The following PHF21A variants were observed in gnomAD, a reference collection of about 807,000 sequenced individuals.
PHF21A encodes PHD finger protein 21A, also known as BHC80a.
A neutral mutation model predicts 82.5 loss-of-function variants in PHF21A; 11 were observed. The observed-to-expected ratio is 0.13, with a 90% CI of 0.08 to 0.22. The LOEUF (loss-of-function observed/expected upper bound fraction) is 0.22, where lower values mean the gene tolerates loss of function less well. Among genes scored for constraint, PHF21A ranks in the 10% least tolerant of loss-of-function variants. PHF21A has a pLI of 1.00. For synonymous variants in PHF21A, 297 were observed against 302.8 expected (o/e 0.98, Z 0.20); for missense variants, 579 against 837.8 (o/e 0.69, Z 3.81).
intron 6 of PHF21A, among the ~76,000 whole-genome samples, chr11:46,040,909 ACACACACACACACACACACACACACG>A: frequency 6.8e-6 from 1 of 148,134 alleles, no homozygotes; most frequent in South Asian, 2.2e-4. Context: ...ACACACACAC[ACACACACACACACACACACACACACG>A]CACGCACAAT....
chr11:46,003,882 A>G (rs1298557494), intron 6 of PHF21A, among the ~76,000 whole-genome samples: 3 of 152,182 alleles, frequency 2.0e-5, no homozygotes, highest in African/African-American at 7.2e-5. Context: ...AGGCAACCAC[A>G]GCCTATTTTG....
chr11:46,015,385 C>T (rs2095496050), intron 6 of PHF21A, among the ~76,000 whole-genome samples: 1 of 152,092 alleles, frequency 6.6e-6, no homozygotes, highest in Admixed American at 6.5e-5. Context: ...GTTACAATTA[C>T]TTTTGAGGAC....
chr11:45,990,250 C>CTTTTTT (rs201187984), intron 6 of PHF21A, among the ~76,000 whole-genome samples: 2 of 56,234 alleles, frequency 3.6e-5, no homozygotes, highest in South Asian at 8.5e-4. Context: ...TTTTCATCTT[C>CTTTTTT]TTTTTTTTTT....
chr11:46,076,484 A>C (rs1197056861), intron 6 of PHF21A, among the ~76,000 whole-genome samples: 1 of 152,156 alleles, frequency 6.6e-6, no homozygotes, highest in African/African-American at 2.4e-5. Context: ...CTATAGGTAA[A>C]CTATAGAGTT....
At chr11:46,023,892 G>T (rs1026883364) in intron 6 of PHF21A, among the ~76,000 whole-genome samples, 1 of 152,174 alleles carries the variant, frequency 6.6e-6, no homozygotes, top group African/African-American at 2.4e-5. Flanking sequence ...GGAGGCGGAG[G>T]TTGCAGTGAG....
chr11:46,030,830 CGTGTGTGTGTGTGTGTGTGTGTGT>C (rs71038879), intron 6 of PHF21A, among the ~76,000 whole-genome samples: 8 of 142,212 alleles, frequency 5.6e-5, no homozygotes, highest in Non-Finnish European at 1.1e-4. Context: ...CGTGTGTGTG[CGTGTGTGTGTGTGTGTGTGTGTGT>C]GTGTGTGTGT....
chr11:45,984,163 CAG>C (rs1360021951), intron 6 of PHF21A, among the ~76,000 whole-genome samples: 1 of 151,910 alleles, frequency 6.6e-6, no homozygotes, highest in African/African-American at 2.4e-5. Flanking sequence ...GGGAAAAAAT[CAG>C]GGAAATGAAA....
intron 6 of PHF21A, among the ~76,000 whole-genome samples, chr11:46,016,159 AG>A (rs2095514215): frequency 6.6e-6 from 1 of 152,318 alleles, no homozygotes; most frequent in African/African-American, 2.4e-5. Context: ...GAAAATTTTT[AG>A]CTCCACTATA....
At chr11:46,020,373 G>C (rs1361898634) in intron 6 of PHF21A, among the ~76,000 whole-genome samples, 1 of 152,174 alleles carries the variant, frequency 6.6e-6, no homozygotes, top group Non-Finnish European at 1.5e-5. Flanking sequence ...CTGCCACCAA[G>C]AACCAGGAGC....
intron 6 of PHF21A, among the ~76,000 whole-genome samples, chr11:46,029,274 T>C (rs375823098): frequency 6.6e-6 from 1 of 152,352 alleles, no homozygotes; most frequent in Admixed American, 6.5e-5. Flanking sequence ...TTGTTGAATT[T>C]TTCCTCACAT....
chr11:46,069,250 A>AAT (rs2096629021), intron 6 of PHF21A, among the ~76,000 whole-genome samples: 1 of 152,236 alleles, frequency 6.6e-6, no homozygotes, highest in African/African-American at 2.4e-5. Flanking sequence ...GAAAACGAGG[A>AAT]GCTGATGTCC....
At chr11:46,071,779 T>C (rs2096659214) in intron 6 of PHF21A, among the ~76,000 whole-genome samples, 1 of 151,880 alleles carries the variant, frequency 6.6e-6, no homozygotes, top group Non-Finnish European at 1.5e-5. Flanking sequence ...AAGAATAGTT[T>C]TAAAAAATCA....
chr11:46,075,871 C>T (rs1312489068), intron 6 of PHF21A, among the ~76,000 whole-genome samples: 1 of 152,042 alleles, frequency 6.6e-6, no homozygotes, highest in African/African-American at 2.4e-5. Flanking sequence ...CATTAAGTAA[C>T]AACATAAAAA....
chr11:46,093,267 C>CTTT (rs2096949396), intron 1 of PHF21A, among the ~76,000 whole-genome samples: 1 of 152,134 alleles, frequency 6.6e-6, no homozygotes, highest in Non-Finnish European at 1.5e-5. Context: ...ACATGTCTTC[C>CTTT]TTTTGCCTTA....
intron 3 of PHF21A, among the ~76,000 whole-genome samples, chr11:46,088,206 C>T (rs1477633064): frequency 6.6e-6 from 1 of 152,176 alleles, no homozygotes; most frequent in Non-Finnish European, 1.5e-5. Context: ...AATAACAAAT[C>T]AGTTGCTGCA....
At chr11:46,027,492 T>C (rs2138133960) in intron 6 of PHF21A, among the ~76,000 whole-genome samples, 1 of 152,324 alleles carries the variant, frequency 6.6e-6, no homozygotes, top group South Asian at 2.1e-4. Context: ...GGGAAAACAG[T>C]ACTACCTACA....
chr11:46,026,546 A>G (rs2095750431), intron 6 of PHF21A, among the ~76,000 whole-genome samples: 1 of 152,046 alleles, frequency 6.6e-6, no homozygotes, highest in Non-Finnish European at 1.5e-5. Flanking sequence ...CCTCTTCTCT[A>G]CCCTGTTCGC....
chr11:46,096,325 A>T (rs887372173), intron 1 of PHF21A, among the ~76,000 whole-genome samples: 3 of 151,500 alleles, frequency 2.0e-5, no homozygotes, highest in African/African-American at 7.3e-5. Flanking sequence ...ATCCTTCTCT[A>T]GTTATTGTCC....
chr11:46,042,495 T>C (rs776628737), intron 6 of PHF21A, among the ~76,000 whole-genome samples: 19 of 152,082 alleles, frequency 1.2e-4, no homozygotes, highest in Non-Finnish European at 2.1e-4. Context: ...TTTTTATAAA[T>C]CCTAGAAAAC....
Sources: gnomAD v4.1 joint callset for allele counts (sites outside exome capture counted in the v4.1 genomes callset) on GRCh38, gnomAD v4.1.1 for gene constraint, MANE v1.5 for transcripts, NCBI Gene and HGNC (gene_info 2026-07-23, HGNC 2026-07-21) for gene names.